Variants in NTN4 observed in about 807,000 individuals in gnomAD.
NTN4 encodes netrin 4.
A neutral mutation model predicts 73.6 loss-of-function variants in NTN4; 32 were observed. The observed-to-expected ratio is 0.44, with a 90% CI of 0.33 to 0.58. NTN4 has a LOEUF of 0.58. Among genes scored for constraint, NTN4 ranks in the 20% least tolerant of loss-of-function variants. The probability of loss-of-function intolerance (pLI) is 0.04; values close to 1 mark genes in which losing one functional copy is unlikely to be tolerated. For synonymous variants in NTN4, 258 were observed against 287.5 expected, an observed-to-expected ratio of 0.90 and a Z score of 1.04; for missense variants, 654 against 798.3, an observed-to-expected ratio of 0.82 and a Z score of 2.18.
At chr12:95,776,253 C>T (rs1190604714) in intron 2 of NTN4, among the ~76,000 whole-genome samples, 3 of 152,182 alleles carry the variant, frequency 2.0e-5, no homozygotes, top group Non-Finnish European at 4.4e-5. Context: ...AATCAGAACA[C>T]CTCTCCTCCT....
At chr12:95,773,256 G>A (rs1349083721) in intron 2 of NTN4, among the ~76,000 whole-genome samples, 2 of 152,046 alleles carry the variant, frequency 1.3e-5, no homozygotes, top group African/African-American at 4.8e-5. Flanking sequence ...CACCAGCCTC[G>A]GCCTCCCAAG....
chr12:95,735,804 C>A (rs1208251233), intron 3 of NTN4, among the ~76,000 whole-genome samples: 1 of 151,758 alleles, frequency 6.6e-6, no homozygotes, highest in South Asian at 2.1e-4. Context: ...TTATCTTCAG[C>A]CTTAGAAAGT....
chr12:95,672,678 G>A, intron 7 of NTN4: 1 of 1,469,118 alleles, frequency 6.8e-7, no homozygotes, highest in Non-Finnish European at 9.5e-7. Context: ...CCACCACCCT[G>A]CTGGAGCCTG....
At position 95,698,138 on chromosome 12, in the gene NTN4, G is replaced by C. The variant is rs148289403; in HGVS notation, c.1180+12303C>G. ...GCATCCATGAATTTTGGTATCCTCG[G>C]GGATCCTGGAACCAATCCCTCGAGG... On this transcript the variant is annotated intron_variant, in intron 5 of 9. Coordinates refer to ENST00000343702, the MANE Select transcript of NTN4 (RefSeq NM_021229.4). 3.3e-5 allele frequency among the ~76,000 whole-genome samples: 5 copies of C among 152,188 alleles called. No individual in the cohort carries two copies. In the East Asian group the frequency reaches 9.7e-4, roughly 29 times the overall value.
rs150561959 is a variant in NTN4, at chr12:95,774,185, T to TAA, written c.585+12753_585+12754insTT. On this transcript the variant is annotated intron_variant, in intron 2 of 9. Transcript: ENST00000343702. Reference sequence around the variant, plus strand: ...TTTTAGTTTTTCTCTCTTTTTTTTTTTAAAAAAAAAAGATTGGCATTATAA... The same window carrying TAA: ...TTTTAGTTTTTCTCTCTTTTTTTTTTAATAAAAAAAAAAGATTGGCATTATAA... 3.5e-3 allele frequency among the ~76,000 whole-genome samples: 478 copies of TAA among 135,138 alleles called. 4 individuals are homozygous for TAA. Among genetic ancestry groups the TAA allele is most frequent in the African/African-American group, 3.8e-3 (147 of 38,262 alleles). The allele number at this position is 135,138 out of a possible 152,430, so 88.7% of individuals were successfully genotyped here.
At chr12:95,784,088 A>G (rs2079150467) in intron 2 of NTN4, among the ~76,000 whole-genome samples, 1 of 152,212 alleles carries the variant, frequency 6.6e-6, no homozygotes, top group Non-Finnish European at 1.5e-5. Context: ...TAGGTCTATA[A>G]TATTGCAAAT....
At chr12:95,774,111 G>A (rs2079075332) in intron 2 of NTN4, among the ~76,000 whole-genome samples, 2 of 151,094 alleles carry the variant, frequency 1.3e-5, no homozygotes, top group African/African-American at 4.9e-5. Flanking sequence ...CAAATTATCA[G>A]TAGACTATAT....
intron 9 of NTN4, among the ~76,000 whole-genome samples, 169 bp from the exon 10 acceptor site, chr12:95,659,391 GT>G (rs1373013673): frequency 6.6e-6 from 1 of 152,110 alleles, no homozygotes; most frequent in African/African-American, 2.4e-5. Flanking sequence ...AATCTCCTGG[GT>G]TTAGGTAATC....
chr12:95,678,436 T>C (rs928613448), intron 7 of NTN4, among the ~76,000 whole-genome samples: 1 of 150,638 alleles, frequency 6.6e-6, no homozygotes, highest in African/African-American at 2.4e-5. Context: ...AGGAAAACCA[T>C]CTGATTTTCT....
At chr12:95,757,379 T>C (rs2078953745) in intron 2 of NTN4, among the ~76,000 whole-genome samples, 1 of 152,198 alleles carries the variant, frequency 6.6e-6, no homozygotes, top group African/African-American at 2.4e-5. Flanking sequence ...ACCCAGGTTG[T>C]TGGAGTCCAA....
chr12:95,775,019 A>G (rs926098638), intron 2 of NTN4, among the ~76,000 whole-genome samples: 1 of 152,254 alleles, frequency 6.6e-6, no homozygotes, highest in African/African-American at 2.4e-5. Context: ...AGTCACTTCA[A>G]CTATCTTTAG....
intron 3 of NTN4, among the ~76,000 whole-genome samples, chr12:95,722,560 C>T (rs1479503051): frequency 1.3e-5 from 2 of 152,074 alleles, no homozygotes; most frequent in African/African-American, 4.8e-5. Context: ...GGGAGGCAGA[C>T]GTTGTAATGA....
At chr12:95,700,798 T>TTTTC (rs1161332061) in intron 5 of NTN4, among the ~76,000 whole-genome samples, 8 of 146,022 alleles carry the variant, frequency 5.5e-5, no homozygotes, top group African/African-American at 1.0e-4. Flanking sequence ...TCCCTTTCTT[T>TTTTC]TTTCTTTCTT....
intron 2 of NTN4, among the ~76,000 whole-genome samples, chr12:95,783,137 C>T (rs906410854): frequency 5.9e-5 from 9 of 152,216 alleles, no homozygotes; most frequent in Admixed American, 5.9e-4. Context: ...GGATGCCTAG[C>T]CCCAGGCCTG....
rs540757666 is a variant in NTN4, at chr12:95,788,046, T to C, written c.56-578A>G. Among the ~76,000 whole-genome samples the C allele has an allele frequency of 3.9e-5, 6 of 152,308 alleles. No homozygotes were observed. The East Asian group carries it at 1.2e-3, about 29-fold the overall frequency. On this transcript the variant is annotated intron_variant, in intron 1 of 9. Coordinates refer to ENST00000343702, the MANE Select transcript of NTN4 (RefSeq NM_021229.4). ...GGGATAAATTCCCTAGGAAAAGCAA[T>C]ATGAGATATTTAATAAATATACAAT...
chr12:95,748,865 C>T (rs2078882039), intron 2 of NTN4, among the ~76,000 whole-genome samples: 1 of 152,222 alleles, frequency 6.6e-6, no homozygotes, highest in African/African-American at 2.4e-5. Context: ...TTGTATTTGT[C>T]AGGCCTCTGA....
At chr12:95,726,554 T>C (rs1200846472) in intron 3 of NTN4, among the ~76,000 whole-genome samples, 3 of 152,238 alleles carry the variant, frequency 2.0e-5, no homozygotes, top group Non-Finnish European at 2.9e-5. Context: ...TTGGCTACTA[T>C]GAATAATGCT....
Position 95,698,576 on chromosome 12 carries a change from G to A in NTN4, c.1180+11865C>T, listed in dbSNP as rs573607404. Among the ~76,000 whole-genome samples, 300 of 152,300 alleles carry A rather than the reference G, an allele frequency of 2.0e-3. 1 individual carries two copies. The highest frequency in any genetic ancestry group is 2.7e-3 in the Non-Finnish European group (184 of 68,032). On this transcript the variant is annotated intron_variant, in intron 5 of 9. Coordinates refer to ENST00000343702, the MANE Select transcript of NTN4 (RefSeq NM_021229.4). ...TCAATTTGTAAAGTTTTGGCTGGGT[G>A]TAGTGGCTCCAGCCTGTAATCCCAG...
In NTN4 at chr12:95,683,489, C is replaced by A; in HGVS notation, c.1394+9G>T. ...CATGCAGCTGAGAGCAAGAGCCTTG[C>A]ACATTCACCTGCTGATGCAGTCTCC... is the stretch of plus-strand genomic sequence containing the variant. On this transcript the variant is annotated intron_variant, in intron 6 of 9. Coordinates refer to ENST00000343702, the MANE Select transcript of NTN4 (RefSeq NM_021229.4). 1 of 1,611,410 alleles carries A rather than the reference C, an allele frequency of 6.2e-7. No individual in the cohort carries two copies. Among genetic ancestry groups the A allele is most frequent in the Non-Finnish European group, 8.5e-7 (1 of 1,177,880 alleles).
Sources: gnomAD v4.1 joint callset for allele counts (sites outside exome capture counted in the v4.1 genomes callset) on GRCh38, gnomAD v4.1.1 for gene constraint, MANE v1.5 for transcripts, NCBI Gene and HGNC (gene_info 2026-07-23, HGNC 2026-07-21) for gene names.